The following PRDM5 variants were observed in gnomAD, a reference collection of about 807,000 sequenced individuals.
PRDM5 encodes the protein PR domain zinc finger protein 5.
In PRDM5, 56 loss-of-function variants were observed where a neutral mutation model predicts 81.2. The observed-to-expected ratio is 0.69, with a 90% CI of 0.56 to 0.86. The LOEUF (loss-of-function observed/expected upper bound fraction) is 0.86. PRDM5 is among the 40% of genes least tolerant of loss of function. The probability of loss-of-function intolerance (pLI) is 0.00; values close to 1 mark genes in which losing one functional copy is unlikely to be tolerated. For synonymous variants in PRDM5, 267 were observed against 256.4 expected (o/e 1.04, Z -0.39); for missense variants, 697 against 770.1 (o/e 0.91, Z 1.12).
rs189885858 is a variant in PRDM5, at chr4:120,901,464, G to A, written c.177+6010C>T. Among the ~76,000 whole-genome samples, 39 of 152,272 alleles carry A rather than the reference G, an allele frequency of 2.6e-4. No homozygotes were observed. The East Asian group carries it at 2.9e-3, about 11-fold the overall frequency. On this transcript the variant is annotated intron_variant, in intron 2 of 15. Transcript: ENST00000264808. Reference sequence around the variant, plus strand: ...AGGAGACAGACGTAGGAAAATAAATGCATGTAAAACTTTTTAAATGCCATT... The same window carrying A: ...AGGAGACAGACGTAGGAAAATAAATACATGTAAAACTTTTTAAATGCCATT...
Position 120,881,960 on chromosome 4 carries a change from G to A in PRDM5, c.177+25514C>T, listed in dbSNP as rs552298877. ...TCTTTCTTGAGGCAGGAACCAAGCTGACCAAATCTACAGATCCTGTTGAAA... is the reference window on the plus strand; with the variant it reads ...TCTTTCTTGAGGCAGGAACCAAGCTAACCAAATCTACAGATCCTGTTGAAA... On this transcript the variant is annotated intron_variant, in intron 2 of 15. Transcript: ENST00000264808. 1.4e-4 allele frequency among the ~76,000 whole-genome samples: 21 copies of A among 152,282 alleles called. No homozygotes were observed. The South Asian group carries it at 4.4e-3, about 32-fold the overall frequency.
At chr4:120,739,619 A>G (rs770456401) in intron 14 of PRDM5, among the ~76,000 whole-genome samples, 4 of 152,186 alleles carry the variant, frequency 2.6e-5, no homozygotes, top group African/African-American at 4.8e-5. Context: ...CTATTTTCCT[A>G]TGGGATAATT....
chr4:120,759,078 G>A (rs1745218402), intron 13 of PRDM5, among the ~76,000 whole-genome samples: 1 of 151,180 alleles, frequency 6.6e-6, no homozygotes. Flanking sequence ...CTTAACGGTG[G>A]CAGTTACTCT....
At chr4:120,887,894 G>A (rs1378549516) in intron 2 of PRDM5, among the ~76,000 whole-genome samples, 2 of 100,872 alleles carry the variant, frequency 2.0e-5, no homozygotes, top group African/African-American at 1.2e-4. Flanking sequence ...CCGGGTTCAC[G>A]CCATTCTCCT....
chr4:120,840,403 A>G (rs565445892), intron 3 of PRDM5, among the ~76,000 whole-genome samples: 6 of 151,894 alleles, frequency 4.0e-5, no homozygotes, highest in East Asian at 1.9e-4. Context: ...AGTCACCCCA[A>G]TGCAGGGTGG....
At chr4:120,849,261 T>C (rs535438041) in intron 3 of PRDM5, among the ~76,000 whole-genome samples, 4 of 152,300 alleles carry the variant, frequency 2.6e-5, no homozygotes, top group Non-Finnish European at 5.9e-5. Flanking sequence ...CCACATGTGA[T>C]TTTCCAGCTC....
rs1490536284 is a variant in PRDM5, at chr4:120,887,677, GGT to G, written c.177+19795_177+19796del. 1.4e-4 allele frequency among the ~76,000 whole-genome samples: 21 copies of G among 151,842 alleles called. No individual in the cohort carries two copies. In the East Asian group the frequency reaches 3.9e-3, roughly 28 times the overall value. ...TTCATTGTCATCTCTGCTACAATCT[GGT>G]TTCTTCACCTAGTTCTTCTTCAGAT... On this transcript the variant is annotated intron_variant, in intron 2 of 15. Transcript: ENST00000264808.
chr4:120,688,539 G>T (rs188515173), downstream of PRDM5, among the ~76,000 whole-genome samples: 2 of 152,206 alleles, frequency 1.3e-5, no homozygotes, highest in East Asian at 1.9e-4. Context: ...TCCTATCCAA[G>T]AAATCATTGC....
intron 15 of PRDM5, among the ~76,000 whole-genome samples, chr4:120,703,109 T>G (rs1209380090): frequency 6.6e-6 from 1 of 152,188 alleles, no homozygotes; most frequent in Non-Finnish European, 1.5e-5. Context: ...GCCTCATGGC[T>G]TTTTTCTTCC....
chr4:120,718,071 G>C (rs1430639856), intron 14 of PRDM5, among the ~76,000 whole-genome samples: 1 of 152,174 alleles, frequency 6.6e-6, no homozygotes, highest in African/African-American at 2.4e-5. Context: ...TCATGAGTTT[G>C]CTTAGGAGAA....
intron 8 of PRDM5, among the ~76,000 whole-genome samples, chr4:120,805,084 T>A (rs892890547): frequency 6.6e-6 from 1 of 152,038 alleles, no homozygotes; most frequent in Admixed American, 6.6e-5. Flanking sequence ...TCTACGCAAA[T>A]AAACTAGAAA....
intron 10 of PRDM5, among the ~76,000 whole-genome samples, chr4:120,786,700 G>A (rs1009836129): frequency 1.3e-5 from 2 of 152,042 alleles, no homozygotes; most frequent in African/African-American, 4.8e-5. Flanking sequence ...TTCCAAGCAA[G>A]GTAAACCAGA....
downstream of PRDM5, among the ~76,000 whole-genome samples, chr4:120,688,097 A>G (rs779494538): frequency 6.6e-5 from 10 of 152,004 alleles, no homozygotes; most frequent in Non-Finnish European, 1.3e-4. Context: ...ATTCCCACCT[A>G]TAGTGCACAG....
chr4:120,862,032 C>T (rs1470367994), intron 2 of PRDM5, among the ~76,000 whole-genome samples: 1 of 152,110 alleles, frequency 6.6e-6, no homozygotes, highest in Non-Finnish European at 1.5e-5. Flanking sequence ...TTAAATCTAA[C>T]AGTATTCTCC....
chr4:120,708,602 C>A (rs1470870785), intron 15 of PRDM5, among the ~76,000 whole-genome samples: 1 of 152,070 alleles, frequency 6.6e-6, no homozygotes, highest in African/African-American at 2.4e-5. Context: ...CGTCACTGAA[C>A]TGCTCACATT....
At chr4:120,820,617 T>A (rs902074498) in intron 4 of PRDM5, among the ~76,000 whole-genome samples, 1 of 152,190 alleles carries the variant, frequency 6.6e-6, no homozygotes, top group African/African-American at 2.4e-5. Context: ...GTAACCACAC[T>A]AGGGCAACCT....
intron 1 of PRDM5, 82 bp downstream of exon 1, chr4:120,922,434 C>T (rs1446948737): frequency 2.4e-6 from 3 of 1,241,412 alleles, no homozygotes; most frequent in Non-Finnish European, 3.0e-6. Flanking sequence ...CCGCCGCGCC[C>T]CGGGCCCTGC....
At chr4:120,685,027 TA>T in intron 1 of PRDM5, 1 of 152,138 alleles carries the variant, frequency 6.6e-6, no homozygotes, top group South Asian at 2.1e-4. Context: ...TTAATGTGTC[TA>T]AAAAAGGAAA....
chr4:120,786,009 T>C (rs974553458), intron 10 of PRDM5, among the ~76,000 whole-genome samples: 7 of 152,242 alleles, frequency 4.6e-5, no homozygotes, highest in East Asian at 1.9e-4. Flanking sequence ...TATTCTACTA[T>C]AGATGGCATG....
Sources: allele counts gnomAD v4.1 joint callset (sites outside exome capture counted in the v4.1 genomes callset), GRCh38; gene constraint gnomAD v4.1.1; transcripts MANE v1.5; gene names NCBI Gene and HGNC (gene_info 2026-07-23, HGNC 2026-07-21).